Variants in MCF2 observed in about 807,000 individuals in gnomAD.
MCF2 encodes proto-oncogene DBL.
In MCF2, 44 loss-of-function variants were observed where a neutral mutation model predicts 82.5. That is an observed-to-expected ratio of 0.53 (90% CI 0.42 to 0.69). MCF2 has a LOEUF of 0.69. Among genes scored for constraint, MCF2 ranks in the 30% least tolerant of loss-of-function variants. The pLI is 0.00. For synonymous variants in MCF2, 217 were observed against 224.9 expected (o/e 0.96, Z 0.32); for missense variants, 623 against 663.1 (o/e 0.94, Z 0.66).
Position 139,629,691 on chromosome X carries a change from A to G in MCF2, c.438+4T>C. 4 of 1,206,794 alleles carry G rather than the reference A, an allele frequency of 3.3e-6. No homozygotes were observed. The highest frequency in any genetic ancestry group is 2.5e-4 in the Middle Eastern group (1 of 4,041). On this transcript the variant is annotated splice_donor_region_variant and intron_variant, in intron 4 of 24. Coordinates refer to ENST00000370576, the Ensembl canonical transcript of MCF2. ...CTTTTGTTTGTCAACTCTATCAGACATACCTTCAACAGATGATACCTTTCA... is the reference window on the plus strand; with the variant it reads ...CTTTTGTTTGTCAACTCTATCAGACGTACCTTCAACAGATGATACCTTTCA...
intron 1 of MCF2, among the ~76,000 whole-genome samples, chrX:139,678,561 A>G (rs1483533325): frequency 1.8e-5 from 2 of 112,434 alleles, no homozygotes; most frequent in Admixed American, 9.4e-5. Context: ...AGATAATTTC[A>G]ACACATGTAA....
chrX:139,593,181 T>G (rs1331879299), intron 19 of MCF2, among the ~76,000 whole-genome samples: 3 of 111,949 alleles, frequency 2.7e-5, no homozygotes, highest in Non-Finnish European at 5.6e-5. Context: ...TGCATAGAGG[T>G]GTTTATAGTA....
At chrX:139,640,657 C>G in intron 1 of MCF2, among the ~76,000 whole-genome samples, 1 of 111,269 alleles carries the variant, frequency 9.0e-6, no homozygotes, top group Non-Finnish European at 1.9e-5. Context: ...CCAGAATCAG[C>G]CCAATTCCAG....
chrX:139,665,747 C>T (rs907685886), intron 1 of MCF2, among the ~76,000 whole-genome samples: 1 of 108,386 alleles, frequency 9.2e-6, no homozygotes, highest in Admixed American at 1.0e-4. Context: ...TTCTATTCTG[C>T]CATCCTGCTC....
chrX:139,704,096 C>T (rs975919644), intron 1 of MCF2, among the ~76,000 whole-genome samples: 1 of 111,159 alleles, frequency 9.0e-6, no homozygotes, highest in Non-Finnish European at 1.9e-5. Context: ...AAAAAACATA[C>T]GTCAAAATAA....
At chrX:139,692,002 C>T in intron 1 of MCF2, 1 of 1,166,032 alleles carries the variant, frequency 8.6e-7, no homozygotes. Context: ...ATGGCCATGT[C>T]CACCTGCAGA....
chrX:139,646,913 T>C, upstream of MCF2: 2 of 969,952 alleles, frequency 2.1e-6, no homozygotes, highest in Non-Finnish European at 2.9e-6. Context: ...CCTACAACAA[T>C]AGAAAAATAA....
intron 6 of MCF2, among the ~76,000 whole-genome samples, chrX:139,625,132 C>T (rs1309705482): frequency 9.0e-6 from 1 of 110,868 alleles, no homozygotes; most frequent in Non-Finnish European, 1.9e-5. Flanking sequence ...ATGAGACACA[C>T]CATGTCAGTG....
intron 6 of MCF2, among the ~76,000 whole-genome samples, chrX:139,623,235 C>T (rs188735097): frequency 2.7e-5 from 3 of 111,435 alleles, no homozygotes; most frequent in East Asian, 2.9e-4. Flanking sequence ...TGAGTATATA[C>T]CCAATGGAAA....
At chrX:139,652,832 T>C (rs1569385507) in intron 1 of MCF2, among the ~76,000 whole-genome samples, 1 of 109,171 alleles carries the variant, frequency 9.2e-6, no homozygotes, top group African/African-American at 3.4e-5. Flanking sequence ...GCTCCTCAAA[T>C]CACACCACAT....
chrX:139,695,965 G>C (rs1386724008), intron 1 of MCF2, among the ~76,000 whole-genome samples: 1 of 111,859 alleles, frequency 8.9e-6, no homozygotes. Flanking sequence ...GGGTTTTTCA[G>C]GTCTGAAGAA....
At chrX:139,695,658 T>C (rs922154991) in intron 1 of MCF2, among the ~76,000 whole-genome samples, 8 of 111,978 alleles carry the variant, frequency 7.1e-5, no homozygotes, top group African/African-American at 2.3e-4. Context: ...AATAATTACC[T>C]CTTCTCTGAA....
intron 1 of MCF2, among the ~76,000 whole-genome samples, chrX:139,667,895 C>T (rs781137412): frequency 2.1e-4 from 23 of 112,041 alleles, no homozygotes; most frequent in Admixed American, 3.8e-4. Flanking sequence ...CTGGCTCATG[C>T]CTGTAATGCT....
chrX:139,647,285 G>A (rs911020303), upstream of MCF2, among the ~76,000 whole-genome samples: 2 of 111,756 alleles, frequency 1.8e-5, no homozygotes, highest in African/African-American at 6.5e-5. Flanking sequence ...ACAGCAAGTG[G>A]AAAATTTGAT....
chrX:139,650,416 TATAA>T (rs1933958691), intron 2 of MCF2, among the ~76,000 whole-genome samples: 1 of 111,858 alleles, frequency 8.9e-6, no homozygotes, highest in Non-Finnish European at 1.9e-5. Context: ...TAGGATCACT[TATAA>T]AGTAAAAGCT....
chrX:139,658,667 G>GTTTTTT lies in MCF2; in HGVS notation c.-44-6885_-44-6880dup, dbSNP rs1182070757. ...TGAAGCCTCTGCTAAAAAAAGATGT[G>GTTTTTT]TTTTTTTTTTTTTTTTTTTTTTTTT... On this transcript the variant is annotated intron_variant, in intron 1 of 27. Transcript: ENST00000414978. 5.5e-4 allele frequency among the ~76,000 whole-genome samples: 31 copies of GTTTTTT among 56,614 alleles called. 1 individual carries two copies. Among genetic ancestry groups the GTTTTTT allele is most frequent in the African/African-American group, 1.6e-3 (20 of 12,857 alleles). 49.2% of individuals were successfully genotyped at this position (56,614 alleles called of 115,157 possible). A position where few individuals can be genotyped will look rare whatever the true frequency, so the allele number is the denominator to read the frequency against.
intron 12 of MCF2, 26 bp from the exon 17 acceptor site, chrX:139,605,805 A>T: frequency 9.2e-7 from 1 of 1,087,961 alleles, no homozygotes; most frequent in Non-Finnish European, 1.3e-6. Context: ...CATATTTATC[A>T]GTTATTTTAT....
At chrX:139,625,855 G>A (rs1425624029) in intron 6 of MCF2, among the ~76,000 whole-genome samples, 2 of 111,636 alleles carry the variant, frequency 1.8e-5, no homozygotes, top group Non-Finnish European at 3.8e-5. Context: ...AAGGAAGTTG[G>A]TATTATTCCC....
At chrX:139,638,182 G>C (rs945547854) in intron 1 of MCF2, among the ~76,000 whole-genome samples, 1 of 111,474 alleles carries the variant, frequency 9.0e-6, no homozygotes, top group Admixed American at 9.6e-5. Flanking sequence ...GTGAGGTCAG[G>C]CAATTTTTCA....
Sources: allele counts gnomAD v4.1 joint callset (sites outside exome capture counted in the v4.1 genomes callset), GRCh38; gene constraint gnomAD v4.1.1; transcripts MANE v1.5; gene names NCBI Gene and HGNC (gene_info 2026-07-23, HGNC 2026-07-21).